Variants in DYNLT2 observed in about 807,000 individuals in gnomAD.
DYNLT2 encodes dynein light chain Tctex-type protein 2.
Under a neutral mutation model 24.3 loss-of-function variants are expected in DYNLT2, and 24 were observed. That is an observed-to-expected ratio of 0.99 (90% CI 0.71 to 1.39). The LOEUF (loss-of-function observed/expected upper bound fraction) is 1.39. DYNLT2 is among the 40% of genes most tolerant of loss of function. The pLI is 0.00. For synonymous variants in DYNLT2, 85 were observed against 85.4 expected (o/e 1.00, Z 0.03); for missense variants, 246 against 234.5 (o/e 1.05, Z -0.32).
the DYNLT2 span, among the ~76,000 whole-genome samples, chr6:169,731,869 TAAG>T: frequency 2.4e-4 from 36 of 152,186 alleles, no homozygotes; most frequent in Non-Finnish European, 4.0e-4. Context: ...TCAGACCTAA[TAAG>T]AATAAGTGTG....
chr6:169,738,808 C>G (rs894991175), downstream of DYNLT2: 1 of 152,244 alleles, frequency 6.6e-6, no homozygotes, highest in Non-Finnish European at 1.5e-5. Context: ...GGGAAAGCAA[C>G]GCACCTTCTT....
intron 1 of DYNLT2, among the ~76,000 whole-genome samples, chr6:169,746,006 A>G (rs1224681446): frequency 1.3e-5 from 2 of 152,200 alleles, no homozygotes; most frequent in East Asian, 1.9e-4. Context: ...GGGAAATTGC[A>G]TCTTTCAAGG....
At chr6:169,738,994 A>T (rs185796761), downstream of DYNLT2, 1 of 152,280 alleles carries the variant, frequency 6.6e-6, no homozygotes, top group African/African-American at 2.4e-5. Flanking sequence ...AAGTGGAAAA[A>T]AAAACCCTTC....
At chr6:169,734,603 T>A in the DYNLT2 span, among the ~76,000 whole-genome samples, 2 of 152,236 alleles carry the variant, frequency 1.3e-5, no homozygotes, top group Non-Finnish European at 2.9e-5. Context: ...GATTTGCATA[T>A]GTTGAACCAG....
At chr6:169,747,904 CT>C (rs1789846133) in intron 1 of DYNLT2, among the ~76,000 whole-genome samples, 1 of 152,136 alleles carries the variant, frequency 6.6e-6, no homozygotes, top group Non-Finnish European at 1.5e-5. Context: ...GACTCTTGAG[CT>C]TTCTTCTAGA....
Position 169,743,215 on chromosome 6 carries a change from A to G in DYNLT2, c.351T>C (p.Tyr117=), listed in dbSNP as rs886570521. 6.4e-7 allele frequency: 1 copy of G among 1,551,672 alleles called. No individual in the cohort carries two copies. Among genetic ancestry groups the G allele is most frequent in the African/African-American group, 1.4e-5 (1 of 74,072 alleles). The change falls in exon 3 of 4, where the codon TAT becomes TAC. Residue 117 remains tyrosine, a synonymous_variant. Transcript: ENST00000366774. ...ACAAGTGAGAGAATACTTTATCATC[A>G]TATTTGACATCTTTAAGACTTTCCT... ...ILTESLKDVK[Y]DDKVFSHLSL...
chr6:169,733,115 C>T, the DYNLT2 span, among the ~76,000 whole-genome samples: 3 of 151,616 alleles, frequency 2.0e-5, no homozygotes, highest in South Asian at 6.2e-4. Flanking sequence ...TATCCTTTGC[C>T]CACTTTTTGA....
At chr6:169,739,572 A>C (rs947321171), downstream of DYNLT2, among the ~76,000 whole-genome samples, 1 of 152,158 alleles carries the variant, frequency 6.6e-6, no homozygotes, top group Non-Finnish European at 1.5e-5. Flanking sequence ...TAAACAATTA[A>C]TATGAATTTT....
At chr6:169,725,306 A>G in the DYNLT2 span, 2 of 398,552 alleles carry the variant, frequency 5.0e-6, no homozygotes, top group Non-Finnish European at 8.8e-6. Context: ...CTTTCCATTC[A>G]TTATAGTTGC....
the DYNLT2 span, among the ~76,000 whole-genome samples, chr6:169,732,355 G>A: frequency 6.6e-6 from 1 of 152,156 alleles, no homozygotes; most frequent in Non-Finnish European, 1.5e-5. Context: ...TACATGTGCA[G>A]AATGTCCAGA....
At chr6:169,739,208 CTT>C (rs557162178), downstream of DYNLT2, among the ~76,000 whole-genome samples, 96 of 131,386 alleles carry the variant, frequency 7.3e-4, no homozygotes, top group South Asian at 3.7e-3. Flanking sequence ...CAATTTTCTC[CTT>C]TTTTTTTTTT....
the DYNLT2 span, chr6:169,725,412 C>G: frequency 7.5e-6 from 3 of 397,772 alleles, no homozygotes; most frequent in Admixed American, 4.4e-5. Context: ...TCCAGCCTGA[C>G]TCACTTGCCT....
downstream of DYNLT2, chr6:169,738,876 T>G (rs564115917): frequency 3.2e-4 from 48 of 152,298 alleles, no homozygotes; most frequent in African/African-American, 1.1e-3. Context: ...GGCCAAACTT[T>G]CATGCACTCC....
rs569761228 is a variant in DYNLT2 at position 169,744,195 on chromosome 6, A to G, written c.200T>C (p.Ile67Thr). The G allele has an allele frequency of 3.1e-6, 5 of 1,613,742 alleles. No homozygotes were observed. In the South Asian group the frequency reaches 5.5e-5, roughly 18 times the overall value. Reference protein sequence around the residue: ...QYVEPPFDDSIADIGKEWKSA... With the variant: ...QYVEPPFDDSTADIGKEWKSA... ...CTTCCATTCTTTACCTATATCAGCA[A>G]TTGAGTCATCAAAAGGAGGCTCCAC... is the stretch of plus-strand genomic sequence containing the variant. Residue 67 changes from isoleucine to threonine, a missense_variant, in exon 2 of 4, where the codon ATT becomes ACT. Transcript: ENST00000366774.
the DYNLT2 span, among the ~76,000 whole-genome samples, chr6:169,727,632 C>T: frequency 6.6e-6 from 1 of 151,914 alleles, no homozygotes; most frequent in Non-Finnish European, 1.5e-5. Context: ...GGCCTGATCT[C>T]GGCTCACTGC....
chr6:169,729,496 A>T, the DYNLT2 span, among the ~76,000 whole-genome samples: 1 of 152,208 alleles, frequency 6.6e-6, no homozygotes, highest in African/African-American at 2.4e-5. Flanking sequence ...CTATACAACT[A>T]CATGCTTTGC....
chr6:169,751,417 C>T lies in DYNLT2; in HGVS notation c.42G>A (p.Gln14=). The change falls in exon 1 of 4, where the codon CAG becomes CAA. Residue 14 remains glutamine, a synonymous_variant. Transcript: ENST00000366774. The part of the protein sequence containing the change: ...RGRGVKSSPI[Q]TPNQTPQQAP... ...CCTGCTGAGGGGTCTGGTTCGGGGTCTGGATGGGGCTCGACTTCACGCCTC... is the reference window on the plus strand; with the variant it reads ...CCTGCTGAGGGGTCTGGTTCGGGGTTTGGATGGGGCTCGACTTCACGCCTC... The T allele has an allele frequency of 6.2e-7, 1 of 1,614,174 alleles. No individual in the cohort carries two copies. Among genetic ancestry groups the T allele is most frequent in the Non-Finnish European group, 8.5e-7 (1 of 1,180,034 alleles).
chr6:169,741,257 C>T (rs1789672601), intron 3 of DYNLT2, among the ~76,000 whole-genome samples: 1 of 152,162 alleles, frequency 6.6e-6, no homozygotes, highest in Admixed American at 6.5e-5. Flanking sequence ...GGTCTTGTAG[C>T]TTCTGCTCTC....
chr6:169,735,978 T>C (rs1261805835), downstream of DYNLT2, among the ~76,000 whole-genome samples: 1 of 152,202 alleles, frequency 6.6e-6, no homozygotes, highest in Non-Finnish European at 1.5e-5. Context: ...CAGTATTGGG[T>C]ACATATATAT....
Sources: gnomAD v4.1 joint callset for allele counts (sites outside exome capture counted in the v4.1 genomes callset) on GRCh38, gnomAD v4.1.1 for gene constraint, MANE v1.5 for transcripts, NCBI Gene and HGNC (gene_info 2026-07-23, HGNC 2026-07-21) for gene names.